The following KCTD19 variants were observed in gnomAD, a reference collection of about 807,000 sequenced individuals.
KCTD19 encodes the protein BTB/POZ domain-containing protein KCTD19.
A neutral mutation model predicts 103.5 loss-of-function variants in KCTD19; 67 were observed. The observed-to-expected ratio is 0.65, with a 90% CI of 0.53 to 0.79. KCTD19 has a LOEUF of 0.79. KCTD19 is among the 30% of genes least tolerant of loss of function. The pLI is 0.00. For missense variants in KCTD19, 980 were observed against 1,136.1 expected, an observed-to-expected ratio of 0.86 and a Z score of 1.98; for synonymous variants, 439 against 452.2, an observed-to-expected ratio of 0.97 and a Z score of 0.37.
Position 67,293,534 on chromosome 16 carries a change from C to T in KCTD19, c.2218+10G>A, listed in dbSNP as rs1294516906. On this transcript the variant is annotated intron_variant, in intron 12 of 15. Transcript: ENST00000304372. This position sits in a 1 kb window ranked among gnomAD's most constrained non-coding sequence, Gnocchi z 4.0. The stretch of plus-strand genomic sequence containing the variant: ...GAATAAGACTTAGATCAAAGGGGGA[C>T]AGGACTCACCTCTCTCCTTGGTCCT... 1.2e-6 allele frequency: 2 copies of T among 1,610,906 alleles called. No individual in the cohort carries two copies. Among genetic ancestry groups the T allele is most frequent in the Non-Finnish European group, 8.5e-7 (1 of 1,178,126 alleles).
At chr16:67,325,653 G>A (rs925467474) in intron 1 of KCTD19, among the ~76,000 whole-genome samples, 1 of 152,094 alleles carries the variant, frequency 6.6e-6, no homozygotes, top group Non-Finnish European at 1.5e-5. Context: ...TGAGGGTAGG[G>A]GTTAGGGATG....
chr16:67,311,228 CTG>C (rs2036945584), intron 2 of KCTD19, among the ~76,000 whole-genome samples: 1 of 152,070 alleles, frequency 6.6e-6, no homozygotes, highest in Non-Finnish European at 1.5e-5. Flanking sequence ...GGAATTCAGT[CTG>C]TTATGAGAGC....
At chr16:67,325,520 A>G (rs574919070) in intron 1 of KCTD19, among the ~76,000 whole-genome samples, 7 of 151,676 alleles carry the variant, frequency 4.6e-5, no homozygotes, top group African/African-American at 1.7e-4. Context: ...GGGATTACAG[A>G]CGTGAGCCAC....
At chr16:67,295,623 C>G (rs1217171890) in intron 8 of KCTD19, 3 of 458,992 alleles carry the variant, frequency 6.5e-6, no homozygotes, top group Non-Finnish European at 1.2e-5. Flanking sequence ...CCTAGACCAC[C>G]CTCTCAAGGC....
chr16:67,320,027 G>T lies in KCTD19; in HGVS notation c.300+562C>A, dbSNP rs914747556. On this transcript the variant is annotated intron_variant, in intron 2 of 15. Transcript: ENST00000304372. The surrounding 1 kb of genome is among the most constrained non-coding windows in gnomAD (Gnocchi z 4.0). ...GCCAGGGGCACCCTCTCAGTGGATA[G>T]TAAATCCCATTCTGGGTCCATGGTG... Among the ~76,000 whole-genome samples the T allele has an allele frequency of 6.6e-6, 1 of 152,222 alleles. No individual in the cohort carries two copies. The highest frequency in any genetic ancestry group is 6.5e-5 in the Admixed American group (1 of 15,278).
chr16:67,294,472 T>G (rs960154583), intron 11 of KCTD19, 108 bp downstream of exon 11: 4 of 783,666 alleles, frequency 5.1e-6, no homozygotes, highest in Non-Finnish European at 8.6e-6. Flanking sequence ...TAGGCTCTGC[T>G]CTTTCATTTT....
chr16:67,305,437 C>T (rs2142511417), intron 2 of KCTD19: 1 of 305,260 alleles, frequency 3.3e-6, no homozygotes, highest in Middle Eastern at 1.1e-3. Flanking sequence ...CAGCTGAGGT[C>T]AAAGGCTTTG....
rs1183253272 is a variant in KCTD19, at chr16:67,323,346, T to C, written c.4-2461A>G. ...AACAAAATGTAGTATATCCACACAA[T>C]GGAATATTGTTTGTCAATACGAAGG... On this transcript the variant is annotated intron_variant, in intron 1 of 15. Coordinates refer to ENST00000304372, the MANE Select transcript of KCTD19 (RefSeq NM_001100915.3). The surrounding 1 kb of genome is among the most constrained non-coding windows in gnomAD (Gnocchi z 4.1). Among the ~76,000 whole-genome samples, 1 of 152,082 alleles carries C rather than the reference T, an allele frequency of 6.6e-6. No individual in the cohort carries two copies. The highest frequency in any genetic ancestry group is 1.5e-5 in the Non-Finnish European group (1 of 67,994).
Position 67,304,476 on chromosome 16 carries a change from T to C in KCTD19, c.396A>G (p.Thr132=), listed in dbSNP as rs200897769. The C allele has an allele frequency of 3.9e-4, 628 of 1,614,124 alleles. No individual in the cohort carries two copies. Among genetic ancestry groups the C allele is most frequent in the Admixed American group, 5.5e-4 (33 of 60,024 alleles). ...CTGAGGGTTTGCTAATACACTTCCA[T>C]GTACGCCAGTAGTTCAGAGATGCTC... ...AERASLNYWR[T]WKCISKPSEF... Residue 132 remains threonine (T), a synonymous_variant, in exon 3 of 16, where the codon ACA becomes ACG. Transcript: ENST00000304372.
chr16:67,293,524 C>G lies in KCTD19; in HGVS notation c.2218+20G>C. The G allele has an allele frequency of 6.2e-7, 1 of 1,606,692 alleles. No individual in the cohort carries two copies. Among genetic ancestry groups the G allele is most frequent in the Non-Finnish European group, 8.5e-7 (1 of 1,175,824 alleles). On this transcript the variant is annotated intron_variant, in intron 12 of 15. Transcript: ENST00000304372. This position sits in a 1 kb window ranked among gnomAD's most constrained non-coding sequence, Gnocchi z 4.0. ...TCTCTGTTGTGAATAAGACTTAGATCAAAGGGGGACAGGACTCACCTCTCT... is the reference window on the plus strand; with the variant it reads ...TCTCTGTTGTGAATAAGACTTAGATGAAAGGGGGACAGGACTCACCTCTCT...
In KCTD19 at chr16:67,303,057, C is replaced by A; in HGVS notation, c.643+89G>T. The A allele has an allele frequency of 7.3e-7, 1 of 1,377,874 alleles. No homozygotes were observed. The highest frequency in any genetic ancestry group is 1.0e-6 in the Non-Finnish European group (1 of 990,200). 85.4% of individuals were successfully genotyped at this position (1,377,874 alleles called of 1,614,324 possible). ...GGGAAGCTCCTGAGGCCCTGAGCAC[C>A]AAGCTGGGCCTCTGTGGGACATGTG... On this transcript the variant is annotated intron_variant, in intron 4 of 15. Coordinates refer to ENST00000304372, the MANE Select transcript of KCTD19 (RefSeq NM_001100915.3). The surrounding 1 kb of genome is among the most constrained non-coding windows in gnomAD (Gnocchi z 4.3).
At chr16:67,318,631 A>G (rs1345753861) in intron 2 of KCTD19, among the ~76,000 whole-genome samples, 1 of 151,996 alleles carries the variant, frequency 6.6e-6, no homozygotes, top group Admixed American at 6.6e-5. Context: ...AGGACAGCAA[A>G]GGGTTTAAAG....
intron 3 of KCTD19, among the ~76,000 whole-genome samples, chr16:67,304,045 C>T (rs2036865150): frequency 6.6e-6 from 1 of 152,176 alleles, no homozygotes; most frequent in African/African-American, 2.4e-5. Context: ...GCTTTGTACT[C>T]ATGTCTCAGA....
chr16:67,306,352 G>A lies in KCTD19; in HGVS notation c.301-1781C>T, dbSNP rs567934585. ...GCAATCTCGGCTCACTGCAACCTCC[G>A]CCTCCTGGGTTCAAGTGATTCTCCT... On this transcript the variant is annotated intron_variant, in intron 2 of 15. Transcript: ENST00000304372. Among the ~76,000 whole-genome samples, 10 of 152,144 alleles carry A rather than the reference G, an allele frequency of 6.6e-5. No individual in the cohort carries two copies. In the South Asian group the frequency reaches 2.1e-3, roughly 32 times the overall value.
chr16:67,289,976 G>A (rs2036658669), intron 15 of KCTD19, among the ~76,000 whole-genome samples: 1 of 152,154 alleles, frequency 6.6e-6, no homozygotes, highest in Admixed American at 6.5e-5. Context: ...TGAGCCAGAT[G>A]CCTAATGGTA....
chr16:67,294,223 C>T (rs375131325), intron 11 of KCTD19, 52 bp from the exon 12 acceptor site: 765 of 1,532,228 alleles, frequency 5.0e-4, no homozygotes, highest in Non-Finnish European at 6.1e-4. Flanking sequence ...TGGACATCAA[C>T]GCCTTGCCCA....
chr16:67,319,688 TATAATAATA>T (rs34930442), intron 2 of KCTD19, among the ~76,000 whole-genome samples: 13 of 148,300 alleles, frequency 8.8e-5, no homozygotes, highest in East Asian at 3.9e-4. Flanking sequence ...TTAAAGCTCT[TATAATAATA>T]ATAATAATAA....
At chr16:67,291,585 G>A (rs2036696348) in intron 13 of KCTD19, 61 bp downstream of exon 13, 2 of 1,578,676 alleles carry the variant, frequency 1.3e-6, no homozygotes, top group Admixed American at 3.4e-5. Flanking sequence ...AAGTACCCTG[G>A]GAGGGGGCTC....
chr16:67,318,557 C>CAAAAA (rs764640736), intron 2 of KCTD19, among the ~76,000 whole-genome samples: 1 of 59,508 alleles, frequency 1.7e-5, no homozygotes, highest in Non-Finnish European at 4.1e-5. Context: ...GACTCTATCT[C>CAAAAA]AAAAAAAAAA....
Sources: allele counts gnomAD v4.1 joint callset (sites outside exome capture counted in the v4.1 genomes callset), GRCh38; gene constraint gnomAD v4.1.1; non-coding constraint Gnocchi (gnomAD v3.1); transcripts MANE v1.5; gene names NCBI Gene and HGNC (gene_info 2026-07-23, HGNC 2026-07-21).